Variants in SLC8A3 observed in about 807,000 individuals in gnomAD.
The protein encoded by SLC8A3 is solute carrier family 8 member A3, also known as sodium/calcium exchanger 3.
In SLC8A3, 37 loss-of-function variants were observed where a neutral mutation model predicts 65.4. The ratio of observed to expected loss-of-function variants is 0.57; its 90% CI spans 0.44 to 0.74. SLC8A3 has a LOEUF of 0.74. Ranked by LOEUF, SLC8A3 falls within the 30% of genes least tolerant of loss-of-function variation. The pLI is 0.00. For missense variants in SLC8A3, 1,112 were observed against 1,172.1 expected (o/e 0.95, Z 0.75); for synonymous variants, 461 against 444.5 (o/e 1.04, Z -0.47).
At chr14:70,152,580 G>A (rs1049217130) in intron 2 of SLC8A3, among the ~76,000 whole-genome samples, 18 of 151,964 alleles carry the variant, frequency 1.2e-4, no homozygotes, top group Admixed American at 3.9e-4. Flanking sequence ...GAAAGACCAA[G>A]GGATTTAGCC....
intron 2 of SLC8A3, among the ~76,000 whole-genome samples, chr14:70,155,266 T>C (rs1896510769): frequency 6.6e-6 from 1 of 152,208 alleles, no homozygotes; most frequent in Non-Finnish European, 1.5e-5. Context: ...CTGTCTATTT[T>C]TTTTTAAATA....
At chr14:70,126,711 G>T (rs758238407) in intron 2 of SLC8A3, among the ~76,000 whole-genome samples, 6 of 151,746 alleles carry the variant, frequency 4.0e-5, no homozygotes, top group Non-Finnish European at 7.4e-5. Context: ...TTTGACCTTA[G>T]CATGCTGATA....
intron 3 of SLC8A3, chr14:70,055,904 G>T: frequency 8.3e-7 from 1 of 1,201,882 alleles, no homozygotes; most frequent in Non-Finnish European, 1.2e-6. Flanking sequence ...TTTTGTGGTT[G>T]CTGGCAGCAT....
chr14:70,133,554 C>T (rs548461700), intron 2 of SLC8A3, among the ~76,000 whole-genome samples: 68 of 152,302 alleles, frequency 4.5e-4, no homozygotes, highest in South Asian at 1.0e-3. Flanking sequence ...ATTCCGTGCA[C>T]GGACCACAGC....
chr14:70,055,659 C>T, intron 3 of SLC8A3: 1 of 666,660 alleles, frequency 1.5e-6, no homozygotes, highest in East Asian at 2.9e-5. Flanking sequence ...AAATAAATCT[C>T]CCAGTCCTTG....
intron 1 of SLC8A3, among the ~76,000 whole-genome samples, chr14:70,178,444 C>G (rs777272369): frequency 2.0e-5 from 3 of 152,152 alleles, no homozygotes; most frequent in South Asian, 2.1e-4. Flanking sequence ...TGAACACTGC[C>G]TAAAGGTTAT....
chr14:70,144,313 T>TTTTG lies in SLC8A3; in HGVS notation c.1784+22325_1784+22326insCAAA, dbSNP rs1195724535. ...AAAACTAACGAAAACTTCCTGTTTT[T>TTTTG]TTTTTTTTTTTTTTTTTTAAAAAAA... On this transcript the variant is annotated intron_variant, in intron 2 of 6. Coordinates refer to ENST00000356921, the MANE Select transcript of SLC8A3 (RefSeq NM_182932.3). 8.6e-4 allele frequency among the ~76,000 whole-genome samples: 98 copies of TTTTG among 114,290 alleles called. 1 individual carries two copies. The highest frequency in any genetic ancestry group is 9.0e-3 in the Middle Eastern group (2 of 222). The allele number at this position is 114,290 out of a possible 152,430, so 75.0% of individuals were successfully genotyped here. A position where few individuals can be genotyped will look rare whatever the true frequency, so the allele number is the denominator to read the frequency against.
chr14:70,060,962 A>G (rs1566744241), intron 2 of SLC8A3, 23 bp from the exon 3 acceptor site: 2 of 1,129,700 alleles, frequency 1.8e-6, no homozygotes, highest in East Asian at 2.4e-5. Flanking sequence ...CAAGAGAGAG[A>G]GTGTGTCGAC....
At chr14:70,065,057 A>G (rs1006317387) in intron 2 of SLC8A3, among the ~76,000 whole-genome samples, 8 of 152,182 alleles carry the variant, frequency 5.3e-5, no homozygotes, top group Non-Finnish European at 1.2e-4. Flanking sequence ...AGGCCTGAGC[A>G]GGAGCCCTGG....
At position 70,167,862 on chromosome 14, in the gene SLC8A3, G is replaced by A. The variant is rs374973822; in HGVS notation, c.561C>T (p.Tyr187=). Residue 187 remains tyrosine (Y), a synonymous_variant, in exon 2 of 7, where the codon TAC becomes TAT. Coordinates refer to ENST00000356921, the MANE Select transcript of SLC8A3 (RefSeq NM_182932.3). ...NMFIIIGICV[Y]VIPDGETRKI... ...TGCGAGTCTCTCCGTCTGGGATCAC[G>A]TAGACACAGATGCCAATGATGATGA... 1.4e-4 allele frequency: 220 copies of A among 1,614,116 alleles called. No individual in the cohort carries two copies. Among genetic ancestry groups the A allele is most frequent in the East Asian group, 1.8e-4 (8 of 44,874 alleles).
At chr14:70,187,423 GCCA>G (rs979194827) in intron 1 of SLC8A3, among the ~76,000 whole-genome samples, 5 of 151,758 alleles carry the variant, frequency 3.3e-5, no homozygotes, top group African/African-American at 7.3e-5. Context: ...ACCCCACCCC[GCCA>G]CCACCACCAC....
intron 2 of SLC8A3, among the ~76,000 whole-genome samples, chr14:70,109,080 T>C (rs1392742834): frequency 6.6e-6 from 1 of 152,140 alleles, no homozygotes; most frequent in Non-Finnish European, 1.5e-5. Context: ...TTTATATATT[T>C]ATTTTTTATT....
At chr14:70,077,308 C>T (rs1205830658) in intron 2 of SLC8A3, among the ~76,000 whole-genome samples, 1 of 152,156 alleles carries the variant, frequency 6.6e-6, no homozygotes, top group East Asian at 1.9e-4. Context: ...AACATCTTTC[C>T]TTATTTCCTG....
At chr14:70,090,357 C>A (rs1258984233) in intron 2 of SLC8A3, among the ~76,000 whole-genome samples, 1 of 152,186 alleles carries the variant, frequency 6.6e-6, no homozygotes, top group Non-Finnish European at 1.5e-5. Flanking sequence ...ACTATCACGT[C>A]ATATGCGCAT....
At chr14:70,119,345 C>G (rs1397778550) in intron 2 of SLC8A3, among the ~76,000 whole-genome samples, 1 of 152,146 alleles carries the variant, frequency 6.6e-6, no homozygotes, top group Non-Finnish European at 1.5e-5. Context: ...CCTGCTTTCT[C>G]CTACATGGAC....
At chr14:70,141,998 G>A (rs1337378821) in intron 2 of SLC8A3, among the ~76,000 whole-genome samples, 1 of 152,184 alleles carries the variant, frequency 6.6e-6, no homozygotes, top group African/African-American at 2.4e-5. Context: ...CCAGTGACCA[G>A]AGCCCTGCCT....
Position 70,062,466 on chromosome 14 carries a change from G to T in SLC8A3, c.1785-1527C>A, listed in dbSNP as rs553457453. On this transcript the variant is annotated intron_variant, in intron 2 of 6. Transcript: ENST00000356921. ...TGTTTAGATACACAAATACCATTGTGCTACAGTTGCCTGCAATATTCAGTA... is the reference window on the plus strand; with the variant it reads ...TGTTTAGATACACAAATACCATTGTTCTACAGTTGCCTGCAATATTCAGTA... 5.9e-5 allele frequency among the ~76,000 whole-genome samples: 9 copies of T among 152,266 alleles called. No individual in the cohort carries two copies. In the South Asian group the frequency reaches 1.9e-3, roughly 32 times the overall value.
Position 70,151,455 on chromosome 14 carries a change from TA to T in SLC8A3, c.1784+15183del, listed in dbSNP as rs920916534. Among the ~76,000 whole-genome samples, 137 of 152,294 alleles carry T rather than the reference TA, an allele frequency of 9.0e-4. 1 individual carries two copies. Among genetic ancestry groups the T allele is most frequent in the African/African-American group, 3.1e-3 (130 of 41,576 alleles). On this transcript the variant is annotated intron_variant, in intron 2 of 6. Transcript: ENST00000356921. ...AAAAGGTTTACAATTGGAACCCCTA[TA>T]TAACAAAGTTGTTGAATGAGCTCTG...
intron 2 of SLC8A3, among the ~76,000 whole-genome samples, chr14:70,139,521 G>A (rs140613858): frequency 2.6e-5 from 4 of 152,340 alleles, no homozygotes; most frequent in African/African-American, 9.6e-5. Flanking sequence ...AGGTCTGCTG[G>A]AGTGTGGAGC....
Sources: gnomAD v4.1 joint callset for allele counts (sites outside exome capture counted in the v4.1 genomes callset) on GRCh38, gnomAD v4.1.1 for gene constraint, MANE v1.5 for transcripts, NCBI Gene and HGNC (gene_info 2026-07-23, HGNC 2026-07-21) for gene names.